Variants in MTUS2 observed in about 807,000 individuals in gnomAD.
MTUS2 encodes microtubule-associated tumor suppressor candidate 2.
MTUS2 carries 40 observed loss-of-function variants against 114.1 expected under a neutral mutation model. The observed-to-expected ratio is 0.35, with a 90% CI of 0.27 to 0.46. The LOEUF (loss-of-function observed/expected upper bound fraction) is 0.46. Among genes scored for constraint, MTUS2 ranks in the 20% least tolerant of loss-of-function variants. The pLI is 1.00. For synonymous variants in MTUS2, 688 were observed against 672.0 expected, an observed-to-expected ratio of 1.02 and a Z score of -0.37; for missense variants, 1,679 against 1,705.4, an observed-to-expected ratio of 0.98 and a Z score of 0.27.
chr13:28,910,974 C>G (rs1461350300), intron 2 of MTUS2, among the ~76,000 whole-genome samples: 2 of 131,304 alleles, frequency 1.5e-5, no homozygotes, highest in Non-Finnish European at 3.1e-5. Flanking sequence ...CTCCCAGGTT[C>G]ACACCATTCT....
chr13:28,829,040 C>T (rs578059297), intron 1 of MTUS2, among the ~76,000 whole-genome samples: 51 of 152,126 alleles, frequency 3.4e-4, no homozygotes, highest in African/African-American at 1.2e-3. Context: ...TGCACAATAA[C>T]AATGAAAGCA....
intron 8 of MTUS2, among the ~76,000 whole-genome samples, chr13:29,368,304 C>A (rs1870911857): frequency 6.6e-6 from 1 of 152,018 alleles, no homozygotes; most frequent in East Asian, 1.9e-4. Context: ...GGACACAGTA[C>A]CCTGTGTCCC....
At position 29,024,832 on chromosome 13, in the gene MTUS2, G is replaced by A. The variant is rs1296627054; in HGVS notation, c.134G>A (p.Ser45Asn). ...GCCAATCAAATCATGTTGGAGGTCA[G>A]CTCCTCTCATGACGAGTCCAAGACA... Reference protein sequence around the residue: ...TNANQIMLEVSSSHDESKTCD... With the variant: ...TNANQIMLEVNSSHDESKTCD... The change falls in exon 3 of 16, where the codon AGC becomes AAC. Residue 45 changes from serine (S) to asparagine (N), a missense_variant. This residue lies in a region of MTUS2 where 843 missense variants were observed against 770.8 expected (regional missense o/e 1.09). Transcript: ENST00000612955. The A allele has an allele frequency of 6.2e-6, 10 of 1,613,908 alleles. No homozygotes were observed. The highest frequency in any genetic ancestry group is 8.5e-6 in the Non-Finnish European group (10 of 1,179,906).
chr13:29,354,703 G>A (rs960944594), intron 7 of MTUS2, among the ~76,000 whole-genome samples: 1 of 152,134 alleles, frequency 6.6e-6, no homozygotes, highest in Non-Finnish European at 1.5e-5. Flanking sequence ...AGACCAGCTG[G>A]AAGGAAATCC....
At chr13:28,934,830 A>G (rs1318383470) in intron 2 of MTUS2, among the ~76,000 whole-genome samples, 2 of 152,172 alleles carry the variant, frequency 1.3e-5, no homozygotes, top group African/African-American at 4.8e-5. Flanking sequence ...GTTATAACTT[A>G]TATACACTAA....
At chr13:29,378,898 A>G (rs910099257) in intron 8 of MTUS2, among the ~76,000 whole-genome samples, 4 of 152,082 alleles carry the variant, frequency 2.6e-5, no homozygotes, top group African/African-American at 9.7e-5. Context: ...TGTAATCCCC[A>G]TGTGTTGGGG....
At chr13:29,427,277 T>C (rs903654356) in intron 8 of MTUS2, among the ~76,000 whole-genome samples, 2 of 152,250 alleles carry the variant, frequency 1.3e-5, no homozygotes, top group Non-Finnish European at 2.9e-5. Context: ...TCCAAACATA[T>C]GCAAATGTGT....
chr13:29,233,245 A>AAAC (rs397785507), intron 5 of MTUS2, among the ~76,000 whole-genome samples: 4 of 150,792 alleles, frequency 2.7e-5, no homozygotes, highest in Non-Finnish European at 5.9e-5. Context: ...AAAAAAAAAA[A>AAAC]GTTTGGGGTA....
intron 8 of MTUS2, among the ~76,000 whole-genome samples, chr13:29,424,797 T>G (rs536304618): frequency 1.1e-4 from 17 of 152,036 alleles, no homozygotes; most frequent in Non-Finnish European, 1.9e-4. Context: ...ACAGGGCGGC[T>G]GACCCAGTTT....
Position 29,150,979 on chromosome 13 carries a change from T to C in MTUS2, c.2644+50009T>C, listed in dbSNP as rs765571763. ...TAGTTTGAAGTCAGGTAGTGTGATATCTATGGCTTTGTTCTTTTTGCCTAA... is the reference window on the plus strand; with the variant it reads ...TAGTTTGAAGTCAGGTAGTGTGATACCTATGGCTTTGTTCTTTTTGCCTAA... On this transcript the variant is annotated intron_variant, in intron 5 of 15. Transcript: ENST00000612955. 7.2e-5 allele frequency among the ~76,000 whole-genome samples: 11 copies of C among 152,150 alleles called. No individual in the cohort carries two copies. In the East Asian group the frequency reaches 9.6e-4, roughly 13 times the overall value.
At chr13:29,224,339 C>T (rs1409564246) in intron 5 of MTUS2, among the ~76,000 whole-genome samples, 3 of 152,120 alleles carry the variant, frequency 2.0e-5, no homozygotes, top group African/African-American at 4.8e-5. Context: ...TACATTTTTC[C>T]AGCTATTATC....
intron 6 of MTUS2, among the ~76,000 whole-genome samples, chr13:29,315,741 T>A (rs1338294118): frequency 6.6e-6 from 1 of 152,168 alleles, no homozygotes; most frequent in East Asian, 1.9e-4. Flanking sequence ...TAAAGGAATC[T>A]GGTGTAAACT....
At chr13:29,191,305 A>G (rs1894439032) in intron 5 of MTUS2, among the ~76,000 whole-genome samples, 1 of 152,066 alleles carries the variant, frequency 6.6e-6, no homozygotes, top group Non-Finnish European at 1.5e-5. Context: ...TCTCTGAGAT[A>G]CCATTTTTTT....
intron 1 of MTUS2, among the ~76,000 whole-genome samples, chr13:28,826,471 G>A (rs929033476): frequency 1.3e-5 from 2 of 152,128 alleles, no homozygotes; most frequent in African/African-American, 4.8e-5. Context: ...CTCCTTATTA[G>A]TCTTTTTACT....
chr13:29,156,265 C>T (rs1892854861), intron 5 of MTUS2, among the ~76,000 whole-genome samples: 1 of 152,026 alleles, frequency 6.6e-6, no homozygotes, highest in Non-Finnish European at 1.5e-5. Flanking sequence ...GGAAAGTTGA[C>T]AGCATTTCAA....
At chr13:29,220,575 G>A (rs1256558508) in intron 5 of MTUS2, among the ~76,000 whole-genome samples, 6 of 152,154 alleles carry the variant, frequency 3.9e-5, no homozygotes, top group Non-Finnish European at 8.8e-5. Context: ...AGAGGGACAG[G>A]GAAGAGCCTG....
chr13:29,191,820 T>C (rs1171915941), intron 5 of MTUS2, among the ~76,000 whole-genome samples: 4 of 152,212 alleles, frequency 2.6e-5, no homozygotes, highest in Non-Finnish European at 5.9e-5. Flanking sequence ...ATATAGTAGT[T>C]GATAATAACT....
chr13:28,994,049 C>T (rs1194421194), intron 2 of MTUS2, among the ~76,000 whole-genome samples: 1 of 152,150 alleles, frequency 6.6e-6, no homozygotes, highest in African/African-American at 2.4e-5. Flanking sequence ...CTATCCCTCC[C>T]CCCTCCTGCC....
Position 29,052,309 on chromosome 13 carries a change from C to T in MTUS2, c.2446+18184C>T, listed in dbSNP as rs572325628. On this transcript the variant is annotated intron_variant, in intron 4 of 15. Transcript: ENST00000612955. ...CCAGCCTGGCCAACATGGCAAAAAC[C>T]CGTCTCTCTGAAAATACAAAAATTA... Among the ~76,000 whole-genome samples the T allele has an allele frequency of 4.0e-5, 6 of 151,898 alleles. No individual in the cohort carries two copies. The South Asian group carries it at 1.3e-3, about 32-fold the overall frequency.
Sources: allele counts gnomAD v4.1 joint callset (sites outside exome capture counted in the v4.1 genomes callset), GRCh38; gene constraint gnomAD v4.1.1; regional missense constraint gnomAD v4.1.1; transcripts MANE v1.5; gene names NCBI Gene and HGNC (gene_info 2026-07-23, HGNC 2026-07-21).